The following ZCCHC14 variants were observed in gnomAD, a reference collection of about 807,000 sequenced individuals.
ZCCHC14 encodes the protein zinc finger CCHC domain-containing protein 14.
Under a neutral mutation model 85.0 loss-of-function variants are expected in ZCCHC14, and 16 were observed. That is an observed-to-expected ratio of 0.19 (90% CI 0.13 to 0.29). The LOEUF is 0.29. Ranked by LOEUF, ZCCHC14 falls within the 10% of genes least tolerant of loss-of-function variation. ZCCHC14 has a pLI of 1.00. For synonymous variants in ZCCHC14, 775 were observed against 630.7 expected (o/e 1.23, Z -3.43); for missense variants, 1,303 against 1,443.5 (o/e 0.90, Z 1.58).
intron 1 of ZCCHC14, among the ~76,000 whole-genome samples, chr16:87,469,064 A>C (rs985205316): frequency 6.6e-6 from 1 of 152,232 alleles, no homozygotes; most frequent in Non-Finnish European, 1.5e-5. Flanking sequence ...GGAGAATAAA[A>C]GAACAAAAAG....
rs1177351812 is a variant in ZCCHC14 at position 87,407,058 on chromosome 16, A to C, written c.*3222T>G. Reference sequence around the variant, plus strand: ...GACAAGAAAATGACAGGGAGCAAGGAGGGTGCAACCCAGTTCCCATCTGGC... The same window carrying C: ...GACAAGAAAATGACAGGGAGCAAGGCGGGTGCAACCCAGTTCCCATCTGGC... On this transcript the variant is annotated 3_prime_UTR_variant, in exon 13 of 13. Coordinates refer to ENST00000671377, the MANE Select transcript of ZCCHC14 (RefSeq NM_015144.3). 6.6e-6 allele frequency: 1 copy of C among 152,308 alleles called. No homozygotes were observed. Among genetic ancestry groups the C allele is most frequent in the Non-Finnish European group, 1.5e-5 (1 of 68,112 alleles). 9.4% of individuals were successfully genotyped at this position (152,308 alleles called of 1,614,324 possible).
chr16:87,463,866 C>A (rs190205578), intron 1 of ZCCHC14, among the ~76,000 whole-genome samples: 2 of 152,184 alleles, frequency 1.3e-5, no homozygotes, highest in African/African-American at 4.8e-5. Context: ...GTCACTCAGG[C>A]TGGAATGCAG....
At chr16:87,454,609 A>C (rs538059162) in intron 2 of ZCCHC14, among the ~76,000 whole-genome samples, 1 of 152,400 alleles carries the variant, frequency 6.6e-6, no homozygotes, top group East Asian at 1.9e-4. Flanking sequence ...CAGTGAAAGA[A>C]ATGTGAAAGG....
Position 87,408,163 on chromosome 16 carries a change from A to G in ZCCHC14, c.*2117T>C, listed in dbSNP as rs1908284360. 6.6e-6 allele frequency: 1 copy of G among 152,666 alleles called. No homozygotes were observed. 9.5% of individuals were successfully genotyped at this position (152,666 alleles called of 1,614,324 possible). ...TAAGGTTAACCTCTAATACTTATCA[A>G]AATAGTTACGTGGGTAACAACAGAC... is the stretch of plus-strand genomic sequence containing the variant. On this transcript the variant is annotated 3_prime_UTR_variant, in exon 13 of 13. Coordinates refer to ENST00000671377, the MANE Select transcript of ZCCHC14 (RefSeq NM_015144.3).
chr16:87,413,376 G>T (rs1908588693), intron 10 of ZCCHC14, among the ~76,000 whole-genome samples, 181 bp from the exon 11 acceptor site: 1 of 152,222 alleles, frequency 6.6e-6, no homozygotes, highest in Admixed American at 6.5e-5. Flanking sequence ...AGATTCAAAT[G>T]GCAGCGATGC....
intron 2 of ZCCHC14, among the ~76,000 whole-genome samples, chr16:87,442,979 C>T (rs1034276193): frequency 6.6e-6 from 1 of 152,176 alleles, no homozygotes; most frequent in African/African-American, 2.4e-5. Flanking sequence ...TCTGAAAGAA[C>T]TGCTAAAGTT....
intron 1 of ZCCHC14, among the ~76,000 whole-genome samples, chr16:87,462,120 T>TA (rs11431342): frequency 0.76 from 106,099 of 139,574 alleles, 39,631 homozygotes; most frequent in South Asian, 0.81. Context: ...TCTAAAAAAG[T>TA]AAAAAAAAAA....
chr16:87,422,470 A>C (rs1909151038), intron 4 of ZCCHC14, among the ~76,000 whole-genome samples: 4 of 152,062 alleles, frequency 2.6e-5, no homozygotes. Flanking sequence ...CACACCTGTA[A>C]CACCAGTACT....
intron 1 of ZCCHC14, among the ~76,000 whole-genome samples, chr16:87,476,497 A>G (rs1912009739): frequency 6.6e-6 from 1 of 152,120 alleles, no homozygotes; most frequent in South Asian, 2.1e-4. Flanking sequence ...GTTGCAAGAC[A>G]GTGACCAGCT....
chr16:87,490,472 C>A (rs1567548190), intron 1 of ZCCHC14, among the ~76,000 whole-genome samples: 1 of 152,212 alleles, frequency 6.6e-6, no homozygotes, highest in Non-Finnish European at 1.5e-5. Flanking sequence ...AATTTTGGCA[C>A]TGGATTGCAG....
chr16:87,414,550 TAATC>T lies in ZCCHC14; in HGVS notation c.1476-13_1476-10del. ...GTCTCTCTGACTTCTCCCTGTGAAA[TAATC>T]AAGCACAGGAACAAGTGAGCACTGC... On this transcript the variant is annotated splice_polypyrimidine_tract_variant and intron_variant, in intron 9 of 12. Transcript: ENST00000671377. The T allele has an allele frequency of 3.1e-6, 5 of 1,608,298 alleles. No individual in the cohort carries two copies. Among genetic ancestry groups the T allele is most frequent in the South Asian group, 1.1e-5 (1 of 90,336 alleles).
At chr16:87,433,437 G>T (rs1298345965) in intron 2 of ZCCHC14, among the ~76,000 whole-genome samples, 1 of 152,278 alleles carries the variant, frequency 6.6e-6, no homozygotes, top group African/African-American at 2.4e-5. Flanking sequence ...CCTGGCAATG[G>T]AAGGGCAGGA....
At chr16:87,474,751 A>C (rs1389288759) in intron 1 of ZCCHC14, among the ~76,000 whole-genome samples, 2 of 152,208 alleles carry the variant, frequency 1.3e-5, no homozygotes, top group Non-Finnish European at 2.9e-5. Context: ...TCGCAGCTGG[A>C]AAGCGACAGG....
Position 87,491,699 on chromosome 16 carries a change from G to T in ZCCHC14, c.540C>A (p.Gly180=). 1 of 1,459,360 alleles carries T rather than the reference G, an allele frequency of 6.9e-7. No homozygotes were observed. The highest frequency in any genetic ancestry group is 1.5e-5 in the African/African-American group (1 of 66,948). 90.4% of individuals were successfully genotyped at this position (1,459,360 alleles called of 1,614,324 possible). The change falls in exon 1 of 13, where the codon GGC becomes GGA. Residue 180 remains glycine, a synonymous_variant. Coordinates refer to ENST00000671377, the MANE Select transcript of ZCCHC14 (RefSeq NM_015144.3). The surrounding 1 kb of genome is among the most constrained non-coding windows in gnomAD (Gnocchi z 5.9). ...HGGKGAPGPG[G]ALPTCPACHK... The stretch of plus-strand genomic sequence containing the variant: ...GGCAGGCTGGGCAAGTGGGCAGCGC[G>T]CCGCCCGGCCCGGGCGCGCCCTTGC...
At chr16:87,448,859 C>T (rs1430564857) in intron 2 of ZCCHC14, among the ~76,000 whole-genome samples, 2 of 152,226 alleles carry the variant, frequency 1.3e-5, no homozygotes, top group East Asian at 3.8e-4. Flanking sequence ...TACCCCTCGT[C>T]ACACTGAAAC....
At chr16:87,422,985 A>C (rs1001655959) in intron 4 of ZCCHC14, among the ~76,000 whole-genome samples, 3 of 152,226 alleles carry the variant, frequency 2.0e-5, no homozygotes, top group Non-Finnish European at 4.4e-5. Flanking sequence ...GATAAGTGTA[A>C]TCAGACATCG....
chr16:87,467,224 G>A lies in ZCCHC14; in HGVS notation c.571-7093C>T, dbSNP rs150431662. 3 of 1,550,938 alleles carry A rather than the reference G, an allele frequency of 1.9e-6. No individual in the cohort carries two copies. The Admixed American group carries it at 5.0e-5, about 26-fold the overall frequency. On this transcript the variant is annotated intron_variant, in intron 1 of 12. Coordinates refer to ENST00000671377, the MANE Select transcript of ZCCHC14 (RefSeq NM_015144.3). ...TCCTTTTAAAAGGAAACTCGAATGA[G>A]GACTGCAAGCCTCTCGTTTTACCGG... is the stretch of plus-strand genomic sequence containing the variant.
chr16:87,438,080 G>C (rs1001954667), intron 2 of ZCCHC14, among the ~76,000 whole-genome samples: 1 of 152,246 alleles, frequency 6.6e-6, no homozygotes. Flanking sequence ...AGAAAATGAG[G>C]AAAAACCCAG....
At chr16:87,455,647 G>C (rs1336804692) in intron 2 of ZCCHC14, among the ~76,000 whole-genome samples, 1 of 152,176 alleles carries the variant, frequency 6.6e-6, no homozygotes, top group African/African-American at 2.4e-5. Flanking sequence ...AGAATCCGTG[G>C]CTGAGGAATG....
Sources: allele counts gnomAD v4.1 joint callset (sites outside exome capture counted in the v4.1 genomes callset), GRCh38; gene constraint gnomAD v4.1.1; non-coding constraint Gnocchi (gnomAD v3.1); transcripts MANE v1.5; gene names NCBI Gene and HGNC (gene_info 2026-07-23, HGNC 2026-07-21).